Variants in PDZD2 observed in about 807,000 individuals in gnomAD.
The protein encoded by PDZD2 is PDZ domain-containing protein 2.
In PDZD2, 90 loss-of-function variants were observed where a neutral mutation model predicts 220.7. The observed-to-expected ratio is 0.41, with a 90% CI of 0.34 to 0.49. The LOEUF (loss-of-function observed/expected upper bound fraction) is 0.49. Ranked by LOEUF, PDZD2 falls within the 20% of genes least tolerant of loss-of-function variation. The probability of loss-of-function intolerance (pLI) is 0.28; values close to 1 mark genes in which losing one functional copy is unlikely to be tolerated. For missense variants in PDZD2, 3,174 were observed against 3,608.5 expected (o/e 0.88, Z 3.08); for synonymous variants, 1,375 against 1,450.5 (o/e 0.95, Z 1.18).
At chr5:32,058,141 G>A (rs762873978) in intron 12 of PDZD2, 38 bp downstream of exon 12, 1 of 1,056,120 alleles carries the variant, frequency 9.5e-7, no homozygotes, top group Non-Finnish European at 1.5e-6. Flanking sequence ...CTCATTTCTT[G>A]AATAACATTT....
At chr5:32,041,402 A>G (rs1756135256) in intron 7 of PDZD2, among the ~76,000 whole-genome samples, 1 of 151,378 alleles carries the variant, frequency 6.6e-6, no homozygotes, top group South Asian at 2.1e-4. Flanking sequence ...TCATCAAGAA[A>G]AGGGGGAAAC....
chr5:31,719,567 G>T (rs1202735370), intron 1 of PDZD2, among the ~76,000 whole-genome samples: 2 of 152,148 alleles, frequency 1.3e-5, no homozygotes, highest in African/African-American at 4.8e-5. Flanking sequence ...TTCAGTTTTA[G>T]CAATAGAAAC....
At chr5:31,862,059 C>T (rs1456329007) in intron 2 of PDZD2, among the ~76,000 whole-genome samples, 3 of 148,420 alleles carry the variant, frequency 2.0e-5, no homozygotes, top group African/African-American at 7.5e-5. Flanking sequence ...ATGAACAACA[C>T]AAGGATTGCT....
At chr5:31,854,918 G>T (rs985854989) in intron 2 of PDZD2, 2 of 958,282 alleles carry the variant, frequency 2.1e-6, no homozygotes, top group Non-Finnish European at 2.5e-6. Context: ...AGGGAGGAGG[G>T]GGGGGTCCTC....
chr5:31,937,332 G>C (rs962244549), intron 2 of PDZD2, among the ~76,000 whole-genome samples: 2 of 152,198 alleles, frequency 1.3e-5, no homozygotes, highest in East Asian at 1.9e-4. Flanking sequence ...GTCAGCCTGA[G>C]AAGAACGTCA....
intron 5 of PDZD2, among the ~76,000 whole-genome samples, chr5:32,006,907 CTTTT>C (rs1173189592): frequency 1.5e-4 from 7 of 47,838 alleles, no homozygotes; most frequent in Admixed American, 3.9e-4. Flanking sequence ...CCATGCTGGT[CTTTT>C]TTTTTTTTTT....
chr5:31,692,336 C>T (rs537033586), intron 1 of PDZD2, among the ~76,000 whole-genome samples: 96 of 152,348 alleles, frequency 6.3e-4, no homozygotes, highest in South Asian at 2.3e-3. Context: ...GGTTCCCGCC[C>T]GCGCCTCTCC....
intron 1 of PDZD2, among the ~76,000 whole-genome samples, chr5:31,689,071 TG>T (rs1746987921): frequency 6.6e-6 from 1 of 151,914 alleles, no homozygotes; most frequent in Admixed American, 6.6e-5. Context: ...TCTTGTTTTT[TG>T]GGGGGTTTTT....
At chr5:31,933,669 T>A (rs948539016) in intron 2 of PDZD2, among the ~76,000 whole-genome samples, 30 of 152,180 alleles carry the variant, frequency 2.0e-4, no homozygotes, top group Non-Finnish European at 4.0e-4. Context: ...AAGATTTACG[T>A]TGTAACCTCA....
Position 31,938,661 on chromosome 5 carries a change from G to GA in PDZD2, c.477-44484dup, listed in dbSNP as rs750714770. Among the ~76,000 whole-genome samples the GA allele has an allele frequency of 2.5e-3, 367 of 144,618 alleles. 1 individual carries two copies. Among genetic ancestry groups the GA allele is most frequent in the Non-Finnish European group, 4.7e-3 (306 of 65,080 alleles). 94.9% of individuals were successfully genotyped at this position (144,618 alleles called of 152,430 possible). On this transcript the variant is annotated intron_variant, in intron 2 of 24. Transcript: ENST00000438447. ...GAGAGCATTTGGTGTTGCCACTTTG[G>GA]AAAAAAAAAAGATGTTTTTTGCAAT...
chr5:31,991,606 G>C (rs1751214200), intron 3 of PDZD2, among the ~76,000 whole-genome samples: 1 of 152,184 alleles, frequency 6.6e-6, no homozygotes, highest in Non-Finnish European at 1.5e-5. Flanking sequence ...GAGGCAGTTG[G>C]AAATATCCTT....
chr5:32,070,610 A>G (rs67975903), intron 15 of PDZD2, among the ~76,000 whole-genome samples: 1 of 152,054 alleles, frequency 6.6e-6, no homozygotes, highest in Non-Finnish European at 1.5e-5. Flanking sequence ...CAGTTCTTTC[A>G]TGAGTTTCTT....
At position 32,090,896 on chromosome 5, in the gene PDZD2, A is replaced by G. The variant is rs144170463; in HGVS notation, c.7448A>G (p.Gln2483Arg). 12 of 1,613,906 alleles carry G rather than the reference A, an allele frequency of 7.4e-6. No homozygotes were observed. The highest frequency in any genetic ancestry group is 2.2e-5 in the East Asian group (1 of 44,894). ...QPSPVSRSKL[Q>R]ELRALSMPDL... ...TCGCCCGTGTCCCGCTCCAAGCTCC[A>G]GGAGCTGAGAGCCTTGAGCATGCCT... Residue 2483 changes from glutamine (Q) to arginine (R), a missense_variant, in exon 20 of 25, where the codon CAG (glutamine) becomes CGG (arginine). Gln to Arg is a conservative substitution (Grantham distance 43). Transcript: ENST00000438447. The surrounding 1 kb of genome is among the most constrained non-coding windows in gnomAD (Gnocchi z 4.3).
intron 1 of PDZD2, among the ~76,000 whole-genome samples, chr5:31,741,299 T>G (rs1750252376): frequency 6.6e-6 from 1 of 152,150 alleles, no homozygotes; most frequent in South Asian, 2.1e-4. Flanking sequence ...TTATTTTCTT[T>G]ATGCATTTCT....
intron 1 of PDZD2, among the ~76,000 whole-genome samples, chr5:31,759,090 C>T (rs993299466): frequency 6.6e-6 from 1 of 152,030 alleles, no homozygotes; most frequent in Non-Finnish European, 1.5e-5. Context: ...TGGTGAGCTC[C>T]CCCACGCCAG....
At chr5:31,645,248 C>T (rs916683899) in intron 1 of PDZD2, among the ~76,000 whole-genome samples, 1 of 152,032 alleles carries the variant, frequency 6.6e-6, no homozygotes, top group African/African-American at 2.4e-5. Flanking sequence ...CATATTTGGC[C>T]CTTAACACAG....
chr5:31,997,360 A>G (rs1050026958), intron 4 of PDZD2, among the ~76,000 whole-genome samples: 5 of 152,222 alleles, frequency 3.3e-5, no homozygotes, highest in African/African-American at 1.2e-4. Context: ...ACAAACCAGC[A>G]AAGTCTTTTA....
At chr5:32,029,353 A>AT (rs1338113127) in intron 6 of PDZD2, among the ~76,000 whole-genome samples, 1 of 144,942 alleles carries the variant, frequency 6.9e-6, no homozygotes, top group Non-Finnish European at 1.5e-5. Context: ...AAAAAAAAAA[A>AT]GCTTTTCCAC....
chr5:31,759,659 C>T (rs1337737200), intron 1 of PDZD2, among the ~76,000 whole-genome samples: 1 of 151,734 alleles, frequency 6.6e-6, no homozygotes, highest in Non-Finnish European at 1.5e-5. Flanking sequence ...GATTCTCCTG[C>T]ATCAGCCTCC....
Sources: allele counts gnomAD v4.1 joint callset (sites outside exome capture counted in the v4.1 genomes callset), GRCh38; gene constraint gnomAD v4.1.1; non-coding constraint Gnocchi (gnomAD v3.1); transcripts MANE v1.5; gene names NCBI Gene and HGNC (gene_info 2026-07-23, HGNC 2026-07-21).